VANGL2: variants seen among roughly 807,000 people sequenced by gnomAD.
The protein encoded by VANGL2 is VANGL planar cell polarity protein 2, also known as vang-like protein 2.
Under a neutral mutation model 50.2 loss-of-function variants are expected in VANGL2, and 14 were observed. That is an observed-to-expected ratio of 0.28 (90% CI 0.18 to 0.44). VANGL2 has a LOEUF of 0.44. VANGL2 is among the 20% of genes least tolerant of loss of function. The pLI, the probability that VANGL2 is intolerant of heterozygous loss-of-function variation, is 1.00. For missense variants in VANGL2, 533 were observed against 701.5 expected (o/e 0.76, Z 2.71); for synonymous variants, 295 against 297.2 (o/e 0.99, Z 0.08).
rs1341796265 is a variant in VANGL2 at position 160,416,118 on chromosome 1, C to T, written c.128C>T (p.Ser43Leu). 22 of 1,614,034 alleles carry T rather than the reference C, an allele frequency of 1.4e-5. No homozygotes were observed. Among genetic ancestry groups the T allele is most frequent in the South Asian group, 2.2e-5 (2 of 91,066 alleles). ...CGAGATGGGGGCCGAGGGGACAAGT[C>T]GGTGACAATCCAGGCTCCCGGGGAG... is the stretch of plus-strand genomic sequence containing the variant. ...KSRDGGRGDK[S>L]VTIQAPGEPL... Residue 43 changes from serine (S) to leucine (L), a missense_variant, in exon 3 of 8, where the codon TCG becomes TTG. Coordinates refer to ENST00000368061, the MANE Select transcript of VANGL2 (RefSeq NM_020335.3).
intron 1 of VANGL2, among the ~76,000 whole-genome samples, chr1:160,413,008 AT>A (rs753671190): frequency 6.6e-6 from 1 of 152,212 alleles, no homozygotes; most frequent in Non-Finnish European, 1.5e-5. Flanking sequence ...CATAAGGCCT[AT>A]GTGTGTAGTA....
rs1319417629 is a variant in VANGL2, at chr1:160,416,146, C to T, written c.156C>T (p.Pro52=). 2 of 1,614,058 alleles carry T rather than the reference C, an allele frequency of 1.2e-6. No homozygotes were observed. Among genetic ancestry groups the T allele is most frequent in the African/African-American group, 2.7e-5 (2 of 74,914 alleles). Reference sequence around the variant, plus strand: ...TGACAATCCAGGCTCCCGGGGAGCCCCTGCTGGACAATGAGTCCACACGAG... The same window carrying T: ...TGACAATCCAGGCTCCCGGGGAGCCTCTGCTGGACAATGAGTCCACACGAG... ...KSVTIQAPGE[P]LLDNESTRGD... is the part of the protein sequence containing the mutation. Residue 52 remains proline, a synonymous_variant, in exon 3 of 8, where the codon CCC becomes CCT. Coordinates refer to ENST00000368061, the MANE Select transcript of VANGL2 (RefSeq NM_020335.3).
chr1:160,414,822 C>T (rs190059463), intron 1 of VANGL2, among the ~76,000 whole-genome samples: 3 of 91,654 alleles, frequency 3.3e-5, no homozygotes, highest in African/African-American at 4.5e-5. Context: ...GGGGTGGGGC[C>T]GGGCTCTGAA....
intron 1 of VANGL2, among the ~76,000 whole-genome samples, chr1:160,407,645 C>G (rs11265388): frequency 0.31 from 46,844 of 152,100 alleles, 7,902 homozygotes; most frequent in Middle Eastern, 0.38. Context: ...GGGCCTACCT[C>G]GAGCAGCAGG....
In VANGL2 at chr1:160,419,080, A is replaced by G. The variant is rs1651165336; in HGVS notation, c.271A>G (p.Ile91Val). Residue 91 changes from isoleucine to valine, a missense_variant, in exon 4 of 8, where the codon ATC becomes GTC. By Grantham distance (29) the Ile-to-Val change is conservative. Transcript: ENST00000368061. The surrounding 1 kb of genome is among the most constrained non-coding windows in gnomAD (Gnocchi z 5.8). Reference sequence around the variant, plus strand: ...CATCTCCCATGATGACCTCACACGCATCGCCAAGGACATGGAGGACAGTGT... The same window carrying G: ...CATCTCCCATGATGACCTCACACGCGTCGCCAAGGACATGGAGGACAGTGT... Reference protein sequence around the residue: ...HSISHDDLTRIAKDMEDSVPL... With the variant: ...HSISHDDLTRVAKDMEDSVPL... The G allele has an allele frequency of 6.2e-7, 1 of 1,613,984 alleles. No homozygotes were observed. Among genetic ancestry groups the G allele is most frequent in the East Asian group, 2.2e-5 (1 of 44,868 alleles).
chr1:160,407,232 G>C lies in VANGL2; in HGVS notation c.-191+6363G>C, dbSNP rs538522461. On this transcript the variant is annotated intron_variant, in intron 1 of 7. Coordinates refer to ENST00000368061, the MANE Select transcript of VANGL2 (RefSeq NM_020335.3). ...GCAAAGAGTGAGAATCTCAGGTAGG[G>C]GGGTGGTCGCGATGGTGGAGGCCGG... Among the ~76,000 whole-genome samples, 6 of 152,280 alleles carry C rather than the reference G, an allele frequency of 3.9e-5. No homozygotes were observed. The South Asian group carries it at 1.2e-3, about 32-fold the overall frequency.
chr1:160,416,690 G>C (rs1651073111), intron 3 of VANGL2, among the ~76,000 whole-genome samples: 2 of 152,162 alleles, frequency 1.3e-5, no homozygotes, highest in South Asian at 2.1e-4. Context: ...AAGTAAGGCT[G>C]AGGGATGGAG....
Position 160,415,733 on chromosome 1 carries a change from C to A in VANGL2, c.-105C>A. ...GGTGACAGTTGACTTCCTGAAGGTG[C>A]CTCTTGGCCTAAAGAAGCCGGTGCT... On this transcript the variant is annotated 5_prime_UTR_variant, in exon 2 of 8. Coordinates refer to ENST00000368061, the MANE Select transcript of VANGL2 (RefSeq NM_020335.3). The A allele has an allele frequency of 1.5e-6, 2 of 1,313,822 alleles. No individual in the cohort carries two copies. Among genetic ancestry groups the A allele is most frequent in the Non-Finnish European group, 2.1e-6 (2 of 933,232 alleles). 81.4% of individuals were successfully genotyped at this position (1,313,822 alleles called of 1,614,324 possible).
At chr1:160,409,943 C>T (rs1310735392) in intron 1 of VANGL2, among the ~76,000 whole-genome samples, 1 of 152,192 alleles carries the variant, frequency 6.6e-6, no homozygotes, top group African/African-American at 2.4e-5. Context: ...GGGGTGCCCA[C>T]ATGCATACCC....
Position 160,420,338 on chromosome 1 carries a change from C to T in VANGL2, c.801-73C>T, listed in dbSNP as rs1253542949. On this transcript the variant is annotated intron_variant, in intron 4 of 7. Transcript: ENST00000368061. ...GTCCTCTCCTGCCCTGCCAACCTGCCCTAATGTGTCCCTTTCCCCTGTGCC... is the reference window on the plus strand; with the variant it reads ...GTCCTCTCCTGCCCTGCCAACCTGCTCTAATGTGTCCCTTTCCCCTGTGCC... 3 of 1,598,230 alleles carry T rather than the reference C, an allele frequency of 1.9e-6. No homozygotes were observed. In the Admixed American group the frequency reaches 5.0e-5, roughly 27 times the overall value.
chr1:160,415,563 T>C (rs1244745020), intron 1 of VANGL2, 85 bp from the exon 2 acceptor site: 4 of 503,496 alleles, frequency 7.9e-6, no homozygotes, highest in Non-Finnish European at 1.4e-5. Context: ...GAGCCTCCTG[T>C]GGCTGTTGTG....
intron 6 of VANGL2, 48 bp downstream of exon 6, chr1:160,421,235 G>T: frequency 2.5e-6 from 4 of 1,608,570 alleles, no homozygotes; most frequent in Non-Finnish European, 3.4e-6. Context: ...TTGGGTGAAT[G>T]GGGAGAGGAA....
intron 1 of VANGL2, among the ~76,000 whole-genome samples, chr1:160,406,862 G>A (rs973844152): frequency 6.6e-6 from 1 of 152,066 alleles, no homozygotes; most frequent in African/African-American, 2.4e-5. Context: ...CCGAATAGCT[G>A]GGATTACAGG....
intron 7 of VANGL2, among the ~76,000 whole-genome samples, chr1:160,424,514 A>G (rs1320223597): frequency 6.6e-6 from 1 of 152,046 alleles, no homozygotes; most frequent in East Asian, 1.9e-4. Flanking sequence ...CATTTTGGGG[A>G]TGGCTGAGAC....
At chr1:160,405,809 AG>A (rs1650639982) in intron 1 of VANGL2, among the ~76,000 whole-genome samples, 1 of 152,166 alleles carries the variant, frequency 6.6e-6, no homozygotes, top group African/African-American at 2.4e-5. Context: ...GGGGGATCCA[AG>A]GGCCTCTGAA....
At chr1:160,425,011 A>C in intron 7 of VANGL2, 107 bp from the exon 8 acceptor site, 1 of 1,503,880 alleles carries the variant, frequency 6.6e-7, no homozygotes, top group Non-Finnish European at 9.2e-7. Context: ...ATATGCATAG[A>C]GTGAGCTCAG....
At chr1:160,414,741 T>C (rs1205256029) in intron 1 of VANGL2, among the ~76,000 whole-genome samples, 2 of 145,034 alleles carry the variant, frequency 1.4e-5, no homozygotes, top group African/African-American at 5.2e-5. Flanking sequence ...TGGATGGTGA[T>C]GGCTGTTAGG....
rs1368433368 is a variant in VANGL2 at position 160,415,890 on chromosome 1, G to A, written c.53G>A (p.Arg18His). 9.9e-6 allele frequency: 16 copies of A among 1,614,010 alleles called. No individual in the cohort carries two copies. Among genetic ancestry groups the A allele is most frequent in the East Asian group, 2.2e-5 (1 of 44,890 alleles). Residue 18 changes from arginine to histidine, a missense_variant, in exon 2 of 8, where the codon CGC (arginine) becomes CAC (histidine). Arg to His is a conservative substitution (Grantham distance 29, BLOSUM62 0). Transcript: ENST00000368061. ...TATTCCTACAAGTCGGGCCACTCCC[G>A]CAGCTCCCGCAAGCACAGGTGGGCA... ...SGYSYKSGHS[R>H]SSRKHRDRRD...
intron 1 of VANGL2, among the ~76,000 whole-genome samples, chr1:160,407,838 G>C (rs1338619135): frequency 6.6e-6 from 1 of 152,202 alleles, no homozygotes; most frequent in Non-Finnish European, 1.5e-5. Context: ...CTCTGCCTAG[G>C]CCAAGGGAGG....
Sources: allele counts gnomAD v4.1 joint callset (sites outside exome capture counted in the v4.1 genomes callset), GRCh38; gene constraint gnomAD v4.1.1; non-coding constraint Gnocchi (gnomAD v3.1); transcripts MANE v1.5; gene names NCBI Gene and HGNC (gene_info 2026-07-23, HGNC 2026-07-21).